Variants in SAMD12 observed in about 807,000 individuals in gnomAD.
The protein encoded by SAMD12 is sterile alpha motif domain-containing protein 12.
A neutral mutation model predicts 15.0 loss-of-function variants in SAMD12; 9 were observed. The ratio of observed to expected loss-of-function variants is 0.60; its 90% CI spans 0.36 to 1.05. SAMD12 has a LOEUF of 1.05. SAMD12 is among the 50% of genes least tolerant of loss of function. The pLI, the probability that SAMD12 is intolerant of heterozygous loss-of-function variation, is 0.01. For missense variants in SAMD12, 230 were observed against 234.2 expected, an observed-to-expected ratio of 0.98 and a Z score of 0.12; for synonymous variants, 86 against 90.1, an observed-to-expected ratio of 0.96 and a Z score of 0.25.
intron 4 of SAMD12, among the ~76,000 whole-genome samples, chr8:118,370,623 T>C (rs1819044502): frequency 6.6e-6 from 1 of 152,162 alleles, no homozygotes; most frequent in Non-Finnish European, 1.5e-5. Flanking sequence ...AATGAGATAA[T>C]GTCCTTTGCA....
chr8:118,457,039 C>T (rs1013811458), intron 2 of SAMD12, among the ~76,000 whole-genome samples: 2 of 152,186 alleles, frequency 1.3e-5, no homozygotes, highest in Non-Finnish European at 2.9e-5. Flanking sequence ...ATACATTTAT[C>T]TCACATGTTT....
At chr8:118,351,945 T>G (rs1307131475) in intron 4 of SAMD12, among the ~76,000 whole-genome samples, 1 of 152,200 alleles carries the variant, frequency 6.6e-6, no homozygotes, top group Admixed American at 6.5e-5. Flanking sequence ...GAAGACTCCT[T>G]CTTTATGTGT....
chr8:118,274,297 T>C (rs186675531), intron 4 of SAMD12, among the ~76,000 whole-genome samples: 105 of 152,270 alleles, frequency 6.9e-4, no homozygotes, highest in Non-Finnish European at 1.0e-3. Context: ...AGGAAAATAC[T>C]GAAGTCATTA....
intron 4 of SAMD12, among the ~76,000 whole-genome samples, chr8:118,361,769 C>T (rs1818511837): frequency 6.6e-6 from 1 of 152,086 alleles, no homozygotes; most frequent in Non-Finnish European, 1.5e-5. Flanking sequence ...TTGTTAATCA[C>T]AGCTTTGTTT....
chr8:118,566,039 G>A (rs910303519), intron 2 of SAMD12, among the ~76,000 whole-genome samples: 4 of 152,070 alleles, frequency 2.6e-5, no homozygotes, highest in Admixed American at 6.5e-5. Flanking sequence ...AGCTCTCTGC[G>A]GAGCAGCTAG....
At position 118,251,571 on chromosome 8, in the gene SAMD12, G is replaced by A. The variant is rs117454276; in HGVS notation, c.434-53839C>T. ...TTTTATCCCTGACTACTTCTTTCTC[G>A]GAATGGAAATTTAATCTGCAAAACT... On this transcript the variant is annotated intron_variant, in intron 4 of 4. Coordinates refer to the SAMD12 transcript ENST00000409003. Among the ~76,000 whole-genome samples, 809 of 152,054 alleles carry A rather than the reference G, an allele frequency of 5.3e-3. 6 individuals are homozygous for A. The highest frequency in any genetic ancestry group is 0.041 in the Middle Eastern group (12 of 294).
At chr8:118,172,471 A>G in the SAMD12 span, among the ~76,000 whole-genome samples, 1 of 152,208 alleles carries the variant, frequency 6.6e-6, no homozygotes, top group East Asian at 1.9e-4. Flanking sequence ...CAAAGTCTGC[A>G]TGCCTGTTTG....
In SAMD12 at chr8:118,595,844, A is replaced by C. The variant is rs182755154; in HGVS notation, c.14-14951T>G. Among the ~76,000 whole-genome samples the C allele has an allele frequency of 1.7e-3, 258 of 152,302 alleles. 4 individuals carry two copies. In the East Asian group the frequency reaches 0.041, roughly 24 times the overall value. On this transcript the variant is annotated intron_variant, in intron 1 of 3. Transcript: ENST00000314727. ...ATTGTCAGAAGTACATTATTTTTTT[A>C]CAGTACAGACAGACTTCTATGGGCA...
chr8:118,279,058 G>C (rs1813541810), intron 4 of SAMD12, among the ~76,000 whole-genome samples: 1 of 152,012 alleles, frequency 6.6e-6, no homozygotes, highest in Admixed American at 6.6e-5. Flanking sequence ...GGGCATTCAG[G>C]AAAAAAATTA....
chr8:118,614,768 GCTGTCCTGTC>G (rs1828200221), intron 1 of SAMD12, among the ~76,000 whole-genome samples: 1 of 152,228 alleles, frequency 6.6e-6, no homozygotes, highest in African/African-American at 2.4e-5. Context: ...CCCAACAGCT[GCTGTCCTGTC>G]CTGCTCTTCA....
At chr8:118,344,728 T>C (rs116160044) in intron 4 of SAMD12, among the ~76,000 whole-genome samples, 1,854 of 152,324 alleles carry the variant, frequency 0.012, 42 homozygotes, top group African/African-American at 0.042. Flanking sequence ...TTATTCTCTT[T>C]GGTATCTCCA....
rs1016570230 is a variant in SAMD12 at position 118,365,649 on chromosome 8, C to T, written c.433+13911G>A. On this transcript the variant is annotated intron_variant, in intron 4 of 4. Transcript: ENST00000409003. ...GTTCTTCCGCTTGTAGATGGCAGAT[C>T]GTGGGACTTCTCAGCCTCCAAAATC... is the stretch of plus-strand genomic sequence containing the variant. Among the ~76,000 whole-genome samples the T allele has an allele frequency of 1.4e-4, 21 of 152,072 alleles. 3 individuals carry two copies. Among genetic ancestry groups the T allele is most frequent in the Admixed American group, 1.0e-3 (16 of 15,256 alleles).
chr8:118,516,197 C>A (rs1825240112), intron 2 of SAMD12, among the ~76,000 whole-genome samples: 2 of 152,228 alleles, frequency 1.3e-5, no homozygotes. Context: ...ACTTCTTCAA[C>A]CTTTCCTTAC....
At chr8:118,471,735 T>C (rs773649480) in intron 2 of SAMD12, among the ~76,000 whole-genome samples, 1 of 152,190 alleles carries the variant, frequency 6.6e-6, no homozygotes, top group Non-Finnish European at 1.5e-5. Flanking sequence ...TTATTTACTG[T>C]TTTTGTTTTG....
At position 118,230,179 on chromosome 8, in the gene SAMD12, T is replaced by C. The variant is rs545857878; in HGVS notation, c.434-32447A>G. ...AGGGCTTGCTGTGGGCCAGGCACCATGCTAAGCGTTTCACTTGAAATTCTC... is the reference window on the plus strand; with the variant it reads ...AGGGCTTGCTGTGGGCCAGGCACCACGCTAAGCGTTTCACTTGAAATTCTC... On this transcript the variant is annotated intron_variant, in intron 4 of 4. Transcript: ENST00000409003. Among the ~76,000 whole-genome samples, 3 of 152,264 alleles carry C rather than the reference T, an allele frequency of 2.0e-5. No homozygotes were observed. The East Asian group carries it at 5.8e-4, about 29-fold the overall frequency.
the SAMD12 span, among the ~76,000 whole-genome samples, chr8:118,169,406 C>T: frequency 1.3e-5 from 2 of 152,164 alleles, no homozygotes; most frequent in South Asian, 4.1e-4. Flanking sequence ...AAGAATGATA[C>T]ACTTTCTTTT....
chr8:118,466,713 A>G (rs1385551287), intron 2 of SAMD12, among the ~76,000 whole-genome samples: 1 of 152,160 alleles, frequency 6.6e-6, no homozygotes, highest in Non-Finnish European at 1.5e-5. Flanking sequence ...AAGACGAGAG[A>G]AGGATTCATA....
At chr8:118,618,028 GTTT>G (rs11308490) in intron 1 of SAMD12, among the ~76,000 whole-genome samples, 6 of 145,454 alleles carry the variant, frequency 4.1e-5, no homozygotes, top group Admixed American at 6.8e-5. Context: ...CATTGTTTTT[GTTT>G]TTTTTTTTTT....
chr8:118,615,413 G>A (rs892593304), intron 1 of SAMD12, among the ~76,000 whole-genome samples: 1 of 152,090 alleles, frequency 6.6e-6, no homozygotes, highest in African/African-American at 2.4e-5. Context: ...GGAGGGCCGG[G>A]ACTGGCAGGG....
Sources: gnomAD v4.1 joint callset for allele counts (sites outside exome capture counted in the v4.1 genomes callset) on GRCh38, gnomAD v4.1.1 for gene constraint, MANE v1.5 for transcripts, NCBI Gene and HGNC (gene_info 2026-07-23, HGNC 2026-07-21) for gene names.